Variants in RAB3IP observed in about 807,000 individuals in gnomAD.
RAB3IP encodes the protein RAB3A interacting protein.
In RAB3IP, 36 loss-of-function variants were observed where a neutral mutation model predicts 59.1. The observed-to-expected ratio is 0.61, with a 90% confidence interval of 0.47 to 0.80. The LOEUF is 0.80. RAB3IP is among the 30% of genes least tolerant of loss of function. The probability of loss-of-function intolerance (pLI) is 0.00; values close to 1 mark genes in which losing one functional copy is unlikely to be tolerated. For synonymous variants in RAB3IP, 207 were observed against 191.2 expected (o/e 1.08, Z -0.68); for missense variants, 511 against 536.0 (o/e 0.95, Z 0.46).
intron 3 of RAB3IP, among the ~76,000 whole-genome samples, chr12:69,782,422 C>G (rs1436800489): frequency 2.0e-5 from 3 of 152,210 alleles, no homozygotes; most frequent in South Asian, 2.1e-4. Context: ...CTCAGCCTCC[C>G]AAAGTGCTGA....
rs1404596100 is a variant in RAB3IP at position 69,755,538 on chromosome 12, C to T, written c.130C>T (p.His44Tyr). Residue 44 changes from histidine to tyrosine, a missense_variant, in exon 2 of 11, where the codon CAC becomes TAC. His to Tyr is a moderately conservative substitution (Grantham distance 83). Coordinates refer to ENST00000247833, the MANE Select transcript of RAB3IP (RefSeq NM_022456.5). ...TTSPSVIYRPHPSALSSVPIQ... is the reference protein window; with the variant it reads ...TTSPSVIYRPYPSALSSVPIQ... ...CTCACCAAGTGTCATCTACCGGCCA[C>T]ACCCTTCAGCTTTATCCTCTGTACC... is the stretch of plus-strand genomic sequence containing the variant. 1 of 1,614,008 alleles carries T rather than the reference C, an allele frequency of 6.2e-7. No individual in the cohort carries two copies. Among genetic ancestry groups the T allele is most frequent in the Non-Finnish European group, 8.5e-7 (1 of 1,180,024 alleles).
chr12:69,784,370 A>C (rs1194640362), intron 3 of RAB3IP, among the ~76,000 whole-genome samples: 1 of 151,558 alleles, frequency 6.6e-6, no homozygotes, highest in Non-Finnish European at 1.5e-5. Flanking sequence ...TCCTTACTTG[A>C]TGGAAATAAA....
chr12:69,788,806 A>G (rs986757356), intron 4 of RAB3IP, among the ~76,000 whole-genome samples: 4 of 152,256 alleles, frequency 2.6e-5, no homozygotes. Context: ...ATGTTAGGTC[A>G]CAAAACAAGT....
At chr12:69,805,287 GCT>G (rs1254743414) in intron 8 of RAB3IP, among the ~76,000 whole-genome samples, 2 of 151,842 alleles carry the variant, frequency 1.3e-5, no homozygotes, top group Non-Finnish European at 2.9e-5. Flanking sequence ...TCATGATTTG[GCT>G]CTCTGTTTGT....
intron 4 of RAB3IP, among the ~76,000 whole-genome samples, chr12:69,792,878 C>T (rs1240401426): frequency 6.6e-6 from 1 of 152,164 alleles, no homozygotes; most frequent in Non-Finnish European, 1.5e-5. Context: ...TAATCGTTCT[C>T]CGTTGGAGGT....
In RAB3IP at chr12:69,820,028, C is replaced by T. The variant is rs530279162; in HGVS notation, c.*4582C>T. The T allele has an allele frequency of 6.6e-6, 1 of 152,216 alleles. No individual in the cohort carries two copies. The highest frequency in any genetic ancestry group is 2.1e-4 in the South Asian group (1 of 4,832). The allele number at this position is 152,216 out of a possible 1,614,324, so 9.4% of individuals were successfully genotyped here. A position where few individuals can be genotyped will look rare whatever the true frequency, so the allele number is the denominator to read the frequency against. On this transcript the variant is annotated 3_prime_UTR_variant, in exon 11 of 11. Transcript: ENST00000247833. Reference sequence around the variant, plus strand: ...TTACTCCCATCGCCACCACAAGAATCCTGTGTGTTTTTGTTTTGTGCATCC... The same window carrying T: ...TTACTCCCATCGCCACCACAAGAATTCTGTGTGTTTTTGTTTTGTGCATCC...
intron 4 of RAB3IP, among the ~76,000 whole-genome samples, chr12:69,791,386 TGAA>T (rs1454587083): frequency 6.6e-6 from 1 of 151,918 alleles, no homozygotes; most frequent in African/African-American, 2.4e-5. Context: ...GTCAACAAAA[TGAA>T]GAAGCGGCAT....
At position 69,795,218 on chromosome 12, in the gene RAB3IP, G is replaced by A. The variant is rs56083207; in HGVS notation, c.762G>A (p.Glu254=). Residue 254 remains glutamate (E), a synonymous_variant, in exon 6 of 11, where the codon GAG becomes GAA. Coordinates refer to ENST00000247833, the MANE Select transcript of RAB3IP (RefSeq NM_022456.5). The part of the protein sequence containing the change: ...LSSSPTSPTQ[E]PLPGGKTPFK... The stretch of plus-strand genomic sequence containing the variant: ...GTTCTCCAACATCACCTACGCAGGA[G>A]CCTTTGCCAGGTGGAAAGACACCTT... The A allele has an allele frequency of 8.1e-4, 1,310 of 1,614,050 alleles. 11 individuals are homozygous for A. In the African/African-American group the frequency reaches 0.015, roughly 19 times the overall value.
intron 1 of RAB3IP, among the ~76,000 whole-genome samples, chr12:69,742,769 T>G (rs1887474814): frequency 1.3e-5 from 2 of 152,196 alleles, no homozygotes; most frequent in African/African-American, 2.4e-5. Context: ...TAACTTGCTA[T>G]CTCTATTTTC....
intron 1 of RAB3IP, among the ~76,000 whole-genome samples, chr12:69,753,826 A>T (rs1565874293): frequency 1.3e-5 from 2 of 152,174 alleles, no homozygotes; most frequent in Non-Finnish European, 2.9e-5. Context: ...AATTTGTAAG[A>T]TGCCATTTAG....
chr12:69,772,228 A>G (rs114350414), intron 3 of RAB3IP, among the ~76,000 whole-genome samples: 432 of 152,296 alleles, frequency 2.8e-3, no homozygotes, highest in African/African-American at 9.5e-3. Flanking sequence ...AAGTATAGGT[A>G]GCTACTCCTG....
intron 3 of RAB3IP, among the ~76,000 whole-genome samples, chr12:69,780,191 C>T (rs1022748504): frequency 6.6e-6 from 1 of 152,176 alleles, no homozygotes; most frequent in Non-Finnish European, 1.5e-5. Flanking sequence ...GTCCCATTTG[C>T]TTAGACAGAT....
At chr12:69,800,138 T>A (rs1878147811) in intron 6 of RAB3IP, 71 bp from the exon 7 acceptor site, 1 of 1,223,822 alleles carries the variant, frequency 8.2e-7, no homozygotes, top group Admixed American at 3.0e-5. Context: ...AAATTAGTTT[T>A]GGTTTTGTAA....
chr12:69,783,223 C>T lies in RAB3IP; in HGVS notation c.511-1497C>T, dbSNP rs372828996. Among the ~76,000 whole-genome samples, 5 of 152,334 alleles carry T rather than the reference C, an allele frequency of 3.3e-5. No homozygotes were observed. In the East Asian group the frequency reaches 5.8e-4, roughly 18 times the overall value. ...GTTTACATTTGAAGGTCTTTCTCCT[C>T]TGTTGTTTTTGGAGTGTGTGTGTAG... On this transcript the variant is annotated intron_variant, in intron 3 of 10. Coordinates refer to ENST00000247833, the MANE Select transcript of RAB3IP (RefSeq NM_022456.5).
intron 6 of RAB3IP, among the ~76,000 whole-genome samples, chr12:69,797,217 G>T (rs984581835): frequency 1.3e-5 from 2 of 152,184 alleles, no homozygotes; most frequent in Admixed American, 1.3e-4. Context: ...CATGCCCAGT[G>T]CAAGGCTTTG....
intron 1 of RAB3IP, among the ~76,000 whole-genome samples, chr12:69,747,380 C>A (rs1868493757): frequency 6.6e-6 from 1 of 151,416 alleles, no homozygotes; most frequent in African/African-American, 2.4e-5. Context: ...GGCTGGAGTG[C>A]AGTGGCACAA....
chr12:69,769,921 G>A (rs972304796), intron 3 of RAB3IP, among the ~76,000 whole-genome samples: 4 of 152,076 alleles, frequency 2.6e-5, no homozygotes, highest in Non-Finnish European at 4.4e-5. Context: ...TCATAGCTGT[G>A]TTATAAATTT....
chr12:69,743,841 TATTC>T (rs1458190762), intron 1 of RAB3IP, among the ~76,000 whole-genome samples: 1 of 117,132 alleles, frequency 8.5e-6, no homozygotes, highest in African/African-American at 3.7e-5. Flanking sequence ...ACCGCTTTGC[TATTC>T]ATTCCTTCTC....
intron 1 of RAB3IP, 42 bp from the exon 2 acceptor site, chr12:69,755,339 ATGT>A (rs1770159350): frequency 6.9e-7 from 1 of 1,457,402 alleles, no homozygotes; most frequent in Non-Finnish European, 9.4e-7. Flanking sequence ...TTAGTTTTAA[ATGT>A]TATTATCTAA....
Sources: allele counts gnomAD v4.1 joint callset (sites outside exome capture counted in the v4.1 genomes callset), GRCh38; gene constraint gnomAD v4.1.1; transcripts MANE v1.5; gene names NCBI Gene and HGNC (gene_info 2026-07-23, HGNC 2026-07-21).